The following NDUFV3 variants were observed in gnomAD, a reference collection of about 807,000 sequenced individuals.
The protein encoded by NDUFV3 is NADH dehydrogenase [ubiquinone] flavoprotein 3, mitochondrial.
NDUFV3 carries 44 observed loss-of-function variants against 37.5 expected under a neutral mutation model. The observed-to-expected ratio is 1.17, with a 90% confidence interval of 0.92 to 1.51. The LOEUF (loss-of-function observed/expected upper bound fraction) is 1.51, where lower values mean the gene tolerates loss of function less well. Among genes scored for constraint, NDUFV3 ranks in the 40% most tolerant of loss-of-function variants. NDUFV3 has a pLI of 0.00. For synonymous variants in NDUFV3, 235 were observed against 239.3 expected (o/e 0.98, Z 0.17); for missense variants, 580 against 580.4 (o/e 1.00, Z 0.01).
rs1473526974 is a variant in NDUFV3 at position 42,901,236 on chromosome 21, G to A, written c.170-1946G>A. Among the ~76,000 whole-genome samples the A allele has an allele frequency of 3.3e-5, 5 of 152,072 alleles. No individual in the cohort carries two copies. In the East Asian group the frequency reaches 9.7e-4, roughly 29 times the overall value. Reference sequence around the variant, plus strand: ...GTGGATCACCTGAGGTCAGGAGTTCGAGACCAGCCTGACCAACATTGTGAA... The same window carrying A: ...GTGGATCACCTGAGGTCAGGAGTTCAAGACCAGCCTGACCAACATTGTGAA... On this transcript the variant is annotated intron_variant, in intron 2 of 3. Transcript: ENST00000354250.
chr21:42,903,431 A>C lies in NDUFV3; in HGVS notation c.419A>C (p.Glu140Ala). The change falls in exon 3 of 4, where the codon GAA becomes GCA. Residue 140 changes from glutamate to alanine, a missense_variant. Coordinates refer to ENST00000354250, the MANE Select transcript of NDUFV3 (RefSeq NM_021075.4). ...TTCAGAAAACAGGGCTCTGATTCAGAAGCTCGTCAGGTGGGTCGGAAAGTG... is the reference window on the plus strand; with the variant it reads ...TTCAGAAAACAGGGCTCTGATTCAGCAGCTCGTCAGGTGGGTCGGAAAGTG... ...SPFRKQGSDS[E>A]ARQVGRKVTS... is the part of the protein sequence containing the mutation. The C allele has an allele frequency of 7.4e-6, 12 of 1,614,212 alleles. No individual in the cohort carries two copies. The highest frequency in any genetic ancestry group is 7.6e-6 in the Non-Finnish European group (9 of 1,180,040).
rs2058731408 is a variant in NDUFV3, at chr21:42,904,188, T to A, written c.1176T>A (p.His392Gln). The change falls in exon 3 of 4, where the codon CAT becomes CAA. Residue 392 changes from histidine to glutamine, a missense_variant. Coordinates refer to ENST00000354250, the MANE Select transcript of NDUFV3 (RefSeq NM_021075.4). ...CTGTTGAGAATAACCACGGTTTCCA[T>A]GAAAAGACAGCAGCGCTGAAGCTTG... ...TVPVENNHGF[H>Q]EKTAALKLEA... 1 of 1,614,150 alleles carries A rather than the reference T, an allele frequency of 6.2e-7. No homozygotes were observed. The highest frequency in any genetic ancestry group is 8.5e-7 in the Non-Finnish European group (1 of 1,180,028).
intron 2 of NDUFV3, among the ~76,000 whole-genome samples, chr21:42,901,930 C>T (rs540951241): frequency 4.6e-5 from 7 of 152,294 alleles, no homozygotes; most frequent in East Asian, 1.9e-4. Context: ...AATAAAATGC[C>T]GGGCACGGTG....
chr21:42,895,998 TTTC>T (rs922925424), intron 1 of NDUFV3, among the ~76,000 whole-genome samples: 11 of 149,552 alleles, frequency 7.4e-5, no homozygotes, highest in Non-Finnish European at 1.5e-4. Flanking sequence ...TTTTTTTTTT[TTTC>T]CTGAGACAGT....
intron 1 of NDUFV3, among the ~76,000 whole-genome samples, chr21:42,894,083 T>C (rs1298134811): frequency 6.6e-6 from 1 of 150,412 alleles, no homozygotes; most frequent in African/African-American, 2.5e-5. Context: ...GGCGTGGTGG[T>C]GCATTCCTGT....
In NDUFV3 at chr21:42,908,726, G is replaced by A. The variant is rs1469010451; in HGVS notation, c.1265-138G>A. ...TTGGTAGGTAAGCGCCTGTATGTGAGCCAAGTCATTCATAAAGAGCTGTTC... is the reference window on the plus strand; with the variant it reads ...TTGGTAGGTAAGCGCCTGTATGTGAACCAAGTCATTCATAAAGAGCTGTTC... On this transcript the variant is annotated intron_variant, in intron 3 of 3. Coordinates refer to ENST00000354250, the MANE Select transcript of NDUFV3 (RefSeq NM_021075.4). 11 of 932,662 alleles carry A rather than the reference G, an allele frequency of 1.2e-5. No individual in the cohort carries two copies. The East Asian group carries it at 1.5e-4, about 13-fold the overall frequency. The allele number at this position is 932,662 out of a possible 1,614,324, so 57.8% of individuals were successfully genotyped here.
chr21:42,904,375 T>A, intron 3 of NDUFV3, 99 bp downstream of exon 3: 1 of 1,498,178 alleles, frequency 6.7e-7, no homozygotes. Context: ...TTACAATTAG[T>A]CAAATTCTGT....
At chr21:42,906,854 C>A in intron 3 of NDUFV3, 1 of 518,978 alleles carries the variant, frequency 1.9e-6, no homozygotes, top group South Asian at 1.4e-5. Context: ...CCCTACACCA[C>A]ACCGAAGATA....
intron 2 of NDUFV3, among the ~76,000 whole-genome samples, chr21:42,897,690 T>C (rs899348981): frequency 6.7e-6 from 1 of 150,290 alleles, no homozygotes; most frequent in Non-Finnish European, 1.5e-5. Context: ...TTAATTCTTT[T>C]TTTTGAGATG....
rs554869188 is a variant in NDUFV3, at chr21:42,893,676, G to A, written c.48+295G>A. Among the ~76,000 whole-genome samples the A allele has an allele frequency of 2.0e-5, 3 of 152,334 alleles. No homozygotes were observed. The South Asian group carries it at 6.2e-4, about 32-fold the overall frequency. On this transcript the variant is annotated intron_variant, in intron 1 of 3. Coordinates refer to ENST00000354250, the MANE Select transcript of NDUFV3 (RefSeq NM_021075.4). ...GCGCTCCCGAGGGCTGCATGCCTGGGCGGCAGACTCGGGTGGACGTTCCCA... is the reference window on the plus strand; with the variant it reads ...GCGCTCCCGAGGGCTGCATGCCTGGACGGCAGACTCGGGTGGACGTTCCCA...
At chr21:42,906,723 C>A (rs547523995) in intron 3 of NDUFV3, 3 of 375,710 alleles carry the variant, frequency 8.0e-6, no homozygotes, top group Admixed American at 7.1e-5. Flanking sequence ...CTAGGCAGTC[C>A]GTGCCCCAGT....
In NDUFV3 at chr21:42,903,600, C is replaced by G. The variant is rs2058727808; in HGVS notation, c.588C>G (p.Asn196Lys). The stretch of plus-strand genomic sequence containing the variant: ...CAGAGGCCTCTCATTCCTTTGAAAA[C>G]AGAGCCCCCCGAGTTACAGTATCAG... ...RKPEASHSFE[N>K]RAPRVTVSAK... Residue 196 changes from asparagine (N) to lysine (K), a missense_variant, in exon 3 of 4, where the codon AAC (asparagine) becomes AAG (lysine). Asn to Lys is a moderately conservative substitution (Grantham distance 94). Transcript: ENST00000354250. 6.2e-7 allele frequency: 1 copy of G among 1,613,930 alleles called. No individual in the cohort carries two copies. The highest frequency in any genetic ancestry group is 8.5e-7 in the Non-Finnish European group (1 of 1,180,018).
In NDUFV3 at chr21:42,903,371, CTT is replaced by C. The variant is rs1033298094; in HGVS notation, c.361_362del (p.Leu121GlyfsTer17). On this transcript the variant is annotated frameshift_variant, in exon 3 of 4. Coordinates refer to ENST00000354250, the MANE Select transcript of NDUFV3 (RefSeq NM_021075.4). LOFTEE classifies it high-confidence loss of function. ...GTTCCGAAATTTTTGTCAAGAAAGA[CTT>C]TGGTAGAGTTTCCACAGAAAGTTCT... 11 of 1,614,066 alleles carry C rather than the reference CTT, an allele frequency of 6.8e-6. No individual in the cohort carries two copies. The highest frequency in any genetic ancestry group is 1.3e-5 in the African/African-American group (1 of 74,916).
chr21:42,903,673 C>T lies in NDUFV3; in HGVS notation c.661C>T (p.Pro221Ser), dbSNP rs1268446518. The T allele has an allele frequency of 5.6e-6, 9 of 1,614,050 alleles. No homozygotes were observed. The highest frequency in any genetic ancestry group is 2.7e-5 in the African/African-American group (2 of 75,026). ...LQKPHVDITDPEKPHQPKKKG... is the reference protein window; with the variant it reads ...LQKPHVDITDSEKPHQPKKKG... The stretch of plus-strand genomic sequence containing the variant: ...GAAGCCGCATGTGGACATTACTGAT[C>T]CAGAGAAGCCCCACCAGCCAAAGAA... The change falls in exon 3 of 4, where the codon CCA (proline) becomes TCA (serine). Residue 221 changes from proline (P) to serine (S), a missense_variant. By Grantham distance (74) the Pro-to-Ser change is moderately conservative. Coordinates refer to ENST00000354250, the MANE Select transcript of NDUFV3 (RefSeq NM_021075.4).
intron 1 of NDUFV3, among the ~76,000 whole-genome samples, chr21:42,896,667 G>A (rs533284869): frequency 7.9e-5 from 12 of 152,108 alleles, no homozygotes; most frequent in Non-Finnish European, 1.2e-4. Flanking sequence ...CCTGGGCCAC[G>A]TAGCCAGATC....
chr21:42,903,394 G>T lies in NDUFV3; in HGVS notation c.382G>T (p.Val128Phe). 4 of 1,614,232 alleles carry T rather than the reference G, an allele frequency of 2.5e-6. No individual in the cohort carries two copies. Among genetic ancestry groups the T allele is most frequent in the Non-Finnish European group, 3.4e-6 (4 of 1,180,044 alleles). ...GACTTTGGTAGAGTTTCCACAGAAAGTTCTGTCTCCATTCAGAAAACAGGG... is the reference window on the plus strand; with the variant it reads ...GACTTTGGTAGAGTTTCCACAGAAATTTCTGTCTCCATTCAGAAAACAGGG... ...RKTLVEFPQK[V>F]LSPFRKQGSD... The change falls in exon 3 of 4, where the codon GTT (valine) becomes TTT (phenylalanine). Residue 128 changes from valine (V) to phenylalanine (F), a missense_variant. Val to Phe is a conservative substitution (Grantham distance 50). Coordinates refer to ENST00000354250, the MANE Select transcript of NDUFV3 (RefSeq NM_021075.4).
At position 42,903,919 on chromosome 21, in the gene NDUFV3, C is replaced by T. The variant is rs781367177; in HGVS notation, c.907C>T (p.Pro303Ser). Residue 303 changes from proline (P) to serine (S), a missense_variant, in exon 3 of 4, where the codon CCG (proline) becomes TCG (serine). Pro to Ser is a moderately conservative substitution (Grantham distance 74). Coordinates refer to ENST00000354250, the MANE Select transcript of NDUFV3 (RefSeq NM_021075.4). ...VHTKSGLSAPPKGSPAPAVLA... is the reference protein window; with the variant it reads ...VHTKSGLSAPSKGSPAPAVLA... Reference sequence around the variant, plus strand: ...CACAAAATCAGGGTTGTCTGCGCCACCGAAGGGCAGCCCAGCGCCTGCTGT... The same window carrying T: ...CACAAAATCAGGGTTGTCTGCGCCATCGAAGGGCAGCCCAGCGCCTGCTGT... 5.6e-6 allele frequency: 9 copies of T among 1,612,012 alleles called. No homozygotes were observed. The highest frequency in any genetic ancestry group is 7.6e-6 in the Non-Finnish European group (9 of 1,178,908).
rs113442181 is a variant in NDUFV3, at chr21:42,909,313, T to C, written c.*292T>C. 5.4e-6 allele frequency: 2 copies of C among 369,818 alleles called. No individual in the cohort carries two copies. The highest frequency in any genetic ancestry group is 6.8e-5 in the East Asian group (1 of 14,804). The allele number at this position is 369,818 out of a possible 1,614,324, so 22.9% of individuals were successfully genotyped here. ...CTCACCACCAGGTCCAGCTAACTTT[T>C]GTATTTTTAGTAGAGACAGGGTTTC... On this transcript the variant is annotated 3_prime_UTR_variant, in exon 4 of 4. Coordinates refer to ENST00000354250, the MANE Select transcript of NDUFV3 (RefSeq NM_021075.4).
rs62000418 is a variant in NDUFV3 at position 42,903,915 on chromosome 21, G to T, written c.903G>T (p.Ala301=). ...TCCACACAAAATCAGGGTTGTCTGC[G>T]CCACCGAAGGGCAGCCCAGCGCCTG... The part of the protein sequence containing the change: ...LPVHTKSGLS[A]PPKGSPAPAV... The change falls in exon 3 of 4, where the codon GCG becomes GCT. Residue 301 remains alanine, a synonymous_variant. Coordinates refer to ENST00000354250, the MANE Select transcript of NDUFV3 (RefSeq NM_021075.4). The T allele has an allele frequency of 1.2e-6, 2 of 1,611,536 alleles. No homozygotes were observed. Among genetic ancestry groups the T allele is most frequent in the Admixed American group, 3.4e-5 (2 of 59,556 alleles).
Sources: allele counts gnomAD v4.1 joint callset (sites outside exome capture counted in the v4.1 genomes callset), GRCh38; gene constraint gnomAD v4.1.1; transcripts MANE v1.5; gene names NCBI Gene and HGNC (gene_info 2026-07-23, HGNC 2026-07-21).